INPP5A: variants seen among roughly 807,000 people sequenced by gnomAD.
INPP5A encodes 43 kDa inositol polyphosphate 5-phophatase.
INPP5A carries 14 observed loss-of-function variants against 65.2 expected under a neutral mutation model. That is an observed-to-expected ratio of 0.21 (90% confidence interval 0.14 to 0.34). The LOEUF (loss-of-function observed/expected upper bound fraction) is 0.34, where lower values mean the gene tolerates loss of function less well. Among genes scored for constraint, INPP5A ranks in the 10% least tolerant of loss-of-function variants. The pLI, the probability that INPP5A is intolerant of heterozygous loss-of-function variation, is 1.00. For missense variants in INPP5A, 431 were observed against 545.6 expected (o/e 0.79, Z 2.09); for synonymous variants, 207 against 208.3 (o/e 0.99, Z 0.05).
In INPP5A at chr10:132,546,272, C is replaced by T. The variant is rs1295571980; in HGVS notation, c.75+8101C>T. Among the ~76,000 whole-genome samples, 1 of 152,200 alleles carries T rather than the reference C, an allele frequency of 6.6e-6. No homozygotes were observed. The highest frequency in any genetic ancestry group is 1.5e-5 in the Non-Finnish European group (1 of 68,026). On this transcript the variant is annotated intron_variant, in intron 1 of 15. Coordinates refer to ENST00000368594, the MANE Select transcript of INPP5A (RefSeq NM_005539.5). This position sits in a 1 kb window ranked among gnomAD's most constrained non-coding sequence, Gnocchi z 5.7. ...CGTTGGCGCAGAAGTGGTTTCCCAG[C>T]GGCGTGCCCTGAGTGTTGGGAAAAG...
intron 1 of INPP5A, among the ~76,000 whole-genome samples, chr10:132,606,960 ACT>A (rs1225195716): frequency 2.0e-5 from 3 of 150,912 alleles, no homozygotes; most frequent in Non-Finnish European, 2.9e-5. Context: ...CAAAATGGAA[ACT>A]CTACCCTTTT....
chr10:132,607,841 A>G (rs2133340958), intron 1 of INPP5A, 74 bp from the exon 2 acceptor site: 3 of 1,436,204 alleles, frequency 2.1e-6, no homozygotes, highest in Non-Finnish European at 1.9e-6. Flanking sequence ...TTGTCTTCAC[A>G]GGAGCTTGTC....
chr10:132,757,889 G>A (rs1423127130), intron 11 of INPP5A, among the ~76,000 whole-genome samples: 1 of 149,506 alleles, frequency 6.7e-6, no homozygotes, highest in Non-Finnish European at 1.5e-5. Flanking sequence ...GTGGGTCCCC[G>A]GCTGACCCCA....
chr10:132,708,126 CT>C (rs1327313021), intron 6 of INPP5A, among the ~76,000 whole-genome samples, 186 bp from the exon 7 acceptor site: 3 of 152,198 alleles, frequency 2.0e-5, no homozygotes, highest in Non-Finnish European at 4.4e-5. Flanking sequence ...GCAGGCATCT[CT>C]GTGCGAAGCC....
At chr10:132,621,494 G>A (rs997071044) in intron 2 of INPP5A, among the ~76,000 whole-genome samples, 2 of 152,180 alleles carry the variant, frequency 1.3e-5, no homozygotes, top group Non-Finnish European at 2.9e-5. Flanking sequence ...TTCTGGAAAG[G>A]TGGTACCGCT....
At chr10:132,701,364 C>T (rs992593262) in intron 6 of INPP5A, among the ~76,000 whole-genome samples, 3 of 152,226 alleles carry the variant, frequency 2.0e-5, no homozygotes, top group African/African-American at 7.2e-5. Flanking sequence ...ACGGCCGTCC[C>T]ATCTGCAGGC....
chr10:132,730,020 C>G (rs571688715), intron 9 of INPP5A, among the ~76,000 whole-genome samples: 26 of 152,244 alleles, frequency 1.7e-4, no homozygotes, highest in Non-Finnish European at 3.1e-4. Context: ...CACCAGCTCC[C>G]GTCCTTCAGG....
chr10:132,713,685 T>C (rs1845690261), intron 8 of INPP5A, among the ~76,000 whole-genome samples: 2 of 152,162 alleles, frequency 1.3e-5, no homozygotes, highest in South Asian at 2.1e-4. Context: ...TGGGTGCTGC[T>C]GTGCTCGTGG....
chr10:132,626,677 G>C (rs913287843), intron 2 of INPP5A, among the ~76,000 whole-genome samples: 9 of 152,230 alleles, frequency 5.9e-5, no homozygotes, highest in African/African-American at 2.2e-4. Flanking sequence ...GTTCGTTTTA[G>C]CCAGCACTTA....
chr10:132,604,939 C>T (rs562872649), intron 1 of INPP5A, among the ~76,000 whole-genome samples: 7 of 152,260 alleles, frequency 4.6e-5, no homozygotes, highest in Admixed American at 2.6e-4. Context: ...AGGGAGGCCA[C>T]GGGCTCAGGG....
intron 2 of INPP5A, among the ~76,000 whole-genome samples, chr10:132,613,104 T>G (rs1197261912): frequency 6.6e-6 from 1 of 152,184 alleles, no homozygotes; most frequent in Non-Finnish European, 1.5e-5. Context: ...TTTCTTTCAT[T>G]TCTTTCCCTT....
intron 8 of INPP5A, among the ~76,000 whole-genome samples, chr10:132,712,420 T>TA (rs1845656067): frequency 6.8e-6 from 1 of 146,662 alleles, no homozygotes; most frequent in African/African-American, 2.4e-5. Flanking sequence ...AGTGCATACA[T>TA]ATGTGTGTGC....
chr10:132,557,132 C>T (rs556627563), intron 1 of INPP5A, among the ~76,000 whole-genome samples: 4 of 152,336 alleles, frequency 2.6e-5, no homozygotes, highest in South Asian at 2.1e-4. Context: ...TAAAGGCCGA[C>T]GGGCCCGGCT....
chr10:132,603,939 C>A lies in INPP5A; in HGVS notation c.76-3976C>A, dbSNP rs2071806564. On this transcript the variant is annotated intron_variant, in intron 1 of 15. Transcript: ENST00000368594. The surrounding 1 kb of genome is among the most constrained non-coding windows in gnomAD (Gnocchi z 4.2). ...GGTCCCCTCTCCGTCCAGCCCTGCG[C>A]CGTCAAGGTCCCCTCTCCGTCCCGC... 6.6e-6 allele frequency among the ~76,000 whole-genome samples: 1 copy of A among 151,744 alleles called. No homozygotes were observed. Among genetic ancestry groups the A allele is most frequent in the African/African-American group, 2.4e-5 (1 of 41,280 alleles).
rs370250877 is a variant in INPP5A, at chr10:132,564,166, C to T, written c.75+25995C>T. 7.2e-5 allele frequency among the ~76,000 whole-genome samples: 11 copies of T among 152,234 alleles called. No individual in the cohort carries two copies. In the South Asian group the frequency reaches 1.4e-3, roughly 20 times the overall value. On this transcript the variant is annotated intron_variant, in intron 1 of 15. Coordinates refer to ENST00000368594, the MANE Select transcript of INPP5A (RefSeq NM_005539.5). ...GTCCTGCTCGTTGCTGTCATTGTCT[C>T]GGCTTGTTTGGGGAAATGTGGCGTG... is the stretch of plus-strand genomic sequence containing the variant.
chr10:132,748,540 G>A (rs1185834605), intron 9 of INPP5A, among the ~76,000 whole-genome samples: 1 of 152,226 alleles, frequency 6.6e-6, no homozygotes, highest in African/African-American at 2.4e-5. Flanking sequence ...CCAGGTAGGG[G>A]TCTCCAGCTC....
intron 8 of INPP5A, among the ~76,000 whole-genome samples, chr10:132,720,924 T>C (rs1243853072): frequency 1.3e-5 from 2 of 151,566 alleles, no homozygotes; most frequent in Non-Finnish European, 2.9e-5. Flanking sequence ...TTGCGGGTTC[T>C]GTGGTGCCTG....
rs951296029 is a variant in INPP5A, at chr10:132,761,108, G to A, written c.904-4665G>A. Among the ~76,000 whole-genome samples the A allele has an allele frequency of 3.3e-5, 5 of 152,226 alleles. No individual in the cohort carries two copies. The South Asian group carries it at 8.3e-4, about 25-fold the overall frequency. ...GACCGCCAGGCTTCGTGCCACGTCT[G>A]GTTCGACCTCGACTCCCTGGTGTGC... On this transcript the variant is annotated intron_variant, in intron 11 of 15. Transcript: ENST00000368594.
At chr10:132,747,703 T>C (rs1846396618) in intron 9 of INPP5A, among the ~76,000 whole-genome samples, 1 of 152,246 alleles carries the variant, frequency 6.6e-6, no homozygotes, top group South Asian at 2.1e-4. Context: ...AAGTTACTTT[T>C]GGTGCAGTCA....
Sources: gnomAD v4.1 joint callset for allele counts (sites outside exome capture counted in the v4.1 genomes callset) on GRCh38, gnomAD v4.1.1 for gene constraint, Gnocchi (gnomAD v3.1) non-coding constraint, MANE v1.5 for transcripts, NCBI Gene and HGNC (gene_info 2026-07-23, HGNC 2026-07-21) for gene names.